Variants in ZDHHC11 observed in about 807,000 individuals in gnomAD.
The protein encoded by ZDHHC11 is zDHHC palmitoyltransferase 11.
ZDHHC11 carries 44 observed loss-of-function variants against 51.3 expected under a neutral mutation model. That is an observed-to-expected ratio of 0.86 (90% CI 0.67 to 1.10). The LOEUF is 1.10. Ranked by LOEUF, ZDHHC11 falls within the 50% of genes least tolerant of loss-of-function variation. The probability of loss-of-function intolerance (pLI) is 0.00; values close to 1 mark genes in which losing one functional copy is unlikely to be tolerated. For synonymous variants in ZDHHC11, 163 were observed against 222.0 expected, an observed-to-expected ratio of 0.73 and a Z score of 2.36; for missense variants, 400 against 537.7, an observed-to-expected ratio of 0.74 and a Z score of 2.53.
chr5:856,538 C>T (rs1748274085), intron 1 of ZDHHC11, among the ~76,000 whole-genome samples: 1 of 150,000 alleles, frequency 6.7e-6, no homozygotes, highest in African/African-American at 2.5e-5. Flanking sequence ...AGATCACACA[C>T]CACACAACTC....
chr5:824,370 A>C (rs1467530335), intron 8 of ZDHHC11, among the ~76,000 whole-genome samples: 1 of 151,438 alleles, frequency 6.6e-6, no homozygotes, highest in Non-Finnish European at 1.5e-5. Flanking sequence ...CTAAGGTGGG[A>C]AGATTGCTTG....
intron 4 of ZDHHC11, 164 bp from the exon 5 acceptor site, chr5:840,814 G>T: frequency 1.3e-6 from 2 of 1,492,808 alleles, no homozygotes; most frequent in Non-Finnish European, 1.8e-6. Flanking sequence ...TGAGTGCCCC[G>T]TAGGCCCTGC....
chr5:835,471 C>T (rs1469168332), intron 6 of ZDHHC11, among the ~76,000 whole-genome samples: 9 of 151,742 alleles, frequency 5.9e-5, no homozygotes, highest in East Asian at 3.8e-4. Flanking sequence ...TCTCTGTCAG[C>T]GCCACCTGTC....
At chr5:816,101 G>C (rs1450343634) in intron 10 of ZDHHC11, among the ~76,000 whole-genome samples, 2 of 151,528 alleles carry the variant, frequency 1.3e-5, no homozygotes, top group African/African-American at 4.8e-5. Context: ...TTTTCTTATT[G>C]CTGAGTTTTG....
chr5:855,831 G>A (rs931430828), upstream of ZDHHC11, among the ~76,000 whole-genome samples: 2 of 143,794 alleles, frequency 1.4e-5, no homozygotes, highest in Admixed American at 6.7e-5. Flanking sequence ...AGTGAGCCGG[G>A]GGGCACAGAC....
At chr5:799,290 T>G (rs1738070445) in intron 12 of ZDHHC11, among the ~76,000 whole-genome samples, 1 of 151,464 alleles carries the variant, frequency 6.6e-6, no homozygotes, top group African/African-American at 2.4e-5. Flanking sequence ...CCATGTGATC[T>G]CTGCACATGT....
At chr5:860,030 C>A (rs763241333), upstream of ZDHHC11, among the ~76,000 whole-genome samples, 1 of 152,204 alleles carries the variant, frequency 6.6e-6, no homozygotes, top group Non-Finnish European at 1.5e-5. This position sits in a 1 kb window ranked among gnomAD's most constrained non-coding sequence, Gnocchi z 4.2. Context: ...CCGGCTGAAG[C>A]CTGCTGGGTC....
At chr5:805,125 G>T (rs555512251) in intron 11 of ZDHHC11, among the ~76,000 whole-genome samples, 1 of 151,600 alleles carries the variant, frequency 6.6e-6, no homozygotes, top group Non-Finnish European at 1.5e-5. Context: ...ATGGATAAAA[G>T]CAGTGTTTGT....
At position 796,498 on chromosome 5, in the gene ZDHHC11, G is replaced by T. The variant is rs1454464078; in HGVS notation, c.*90C>A. The T allele has an allele frequency of 6.7e-6, 1 of 148,616 alleles. No individual in the cohort carries two copies. The highest frequency in any genetic ancestry group is 1.5e-5 in the Non-Finnish European group (1 of 66,952). 9.2% of individuals were successfully genotyped at this position (148,616 alleles called of 1,614,324 possible). On this transcript the variant is annotated 3_prime_UTR_variant, in exon 13 of 13. Transcript: ENST00000283441. ...AGCATGGGTAGGAGCAGGAGGCTTT[G>T]CAAGGTAGACTCTACAGGCAGGACC...
intron 12 of ZDHHC11, among the ~76,000 whole-genome samples, chr5:800,364 C>T (rs1381942390): frequency 2.7e-5 from 4 of 150,632 alleles, no homozygotes; most frequent in Non-Finnish European, 5.9e-5. Flanking sequence ...CGGTAGACTT[C>T]AGGGTGTAAA....
chr5:855,248 G>C (rs375251887), upstream of ZDHHC11, among the ~76,000 whole-genome samples: 2 of 141,614 alleles, frequency 1.4e-5, no homozygotes, highest in East Asian at 2.2e-4. Flanking sequence ...ACAGCGAGCC[G>C]GGGGGAGAGA....
In ZDHHC11 at chr5:825,148, G is replaced by A; in HGVS notation, c.1023+16C>T. On this transcript the variant is annotated intron_variant, in intron 8 of 12. Transcript: ENST00000283441. Reference sequence around the variant, plus strand: ...GGCCCTGACCTCGGGGTGCATCGCTGGTGACTGCAACTTACCCGTGCCGTC... The same window carrying A: ...GGCCCTGACCTCGGGGTGCATCGCTAGTGACTGCAACTTACCCGTGCCGTC... 20 of 1,607,574 alleles carry A rather than the reference G, an allele frequency of 1.2e-5. 1 individual carries two copies. The highest frequency in any genetic ancestry group is 1.7e-5 in the Non-Finnish European group (20 of 1,174,482).
At position 814,170 on chromosome 5, in the gene ZDHHC11, G is replaced by A. The variant is rs1740458441; in HGVS notation, c.1181+591C>T. On this transcript the variant is annotated intron_variant, in intron 11 of 12. Transcript: ENST00000283441. ...GTGAGTAGATTTCCTATTACTCTAT[G>A]TTCTGTGAGAAGTGTATCCTGTACT... is the stretch of plus-strand genomic sequence containing the variant. Among the ~76,000 whole-genome samples, 7 of 145,594 alleles carry A rather than the reference G, an allele frequency of 4.8e-5. 1 individual carries two copies. The highest frequency in any genetic ancestry group is 2.1e-4 in the Admixed American group (3 of 14,208).
At chr5:800,211 G>A (rs566861748) in intron 12 of ZDHHC11, among the ~76,000 whole-genome samples, 1 of 150,958 alleles carries the variant, frequency 6.6e-6, no homozygotes, top group South Asian at 2.1e-4. Context: ...AGGATACCAG[G>A]GCTTTTGATG....
At chr5:844,958 T>C (rs1444074020) in intron 3 of ZDHHC11, among the ~76,000 whole-genome samples, 1 of 152,304 alleles carries the variant, frequency 6.6e-6, no homozygotes, top group Non-Finnish European at 1.5e-5. Context: ...TTTTTAAAAG[T>C]ATCCTTTAAC....
upstream of ZDHHC11, among the ~76,000 whole-genome samples, chr5:855,674 G>GA (rs1481550034): frequency 3.0e-5 from 4 of 135,432 alleles, no homozygotes; most frequent in Non-Finnish European, 6.3e-5. Flanking sequence ...CAGCCGGGGG[G>GA]ACAGACCCCA....
chr5:825,034 T>C, intron 8 of ZDHHC11, 130 bp downstream of exon 8: 2 of 896,428 alleles, frequency 2.2e-6, no homozygotes, highest in Non-Finnish European at 1.8e-6. Flanking sequence ...CATTCCCATG[T>C]GAGCAGCACC....
Position 824,000 on chromosome 5 carries a change from C to G in ZDHHC11, c.1023+1164G>C, listed in dbSNP as rs1238201218. On this transcript the variant is annotated intron_variant, in intron 8 of 12. Coordinates refer to ENST00000283441, the MANE Select transcript of ZDHHC11 (RefSeq NM_024786.3). Reference sequence around the variant, plus strand: ...GCAAGGGGCAAGGCTTGGACACCAGCGTCGCTGTTCCTCCAGGCTGGGCTG... The same window carrying G: ...GCAAGGGGCAAGGCTTGGACACCAGGGTCGCTGTTCCTCCAGGCTGGGCTG... 6.7e-6 allele frequency: 3 copies of G among 451,076 alleles called. 1 individual carries two copies. In the Admixed American group the frequency reaches 7.1e-5, roughly 11 times the overall value. 27.9% of individuals were successfully genotyped at this position (451,076 alleles called of 1,614,324 possible).
At chr5:843,961 G>T (rs1745625108) in intron 3 of ZDHHC11, among the ~76,000 whole-genome samples, 3 of 95,086 alleles carry the variant, frequency 3.2e-5, no homozygotes, top group African/African-American at 2.9e-4. Flanking sequence ...GCAGGTGGGG[G>T]GTGCAGAGGC....
Sources: gnomAD v4.1 joint callset for allele counts (sites outside exome capture counted in the v4.1 genomes callset) on GRCh38, gnomAD v4.1.1 for gene constraint, Gnocchi (gnomAD v3.1) non-coding constraint, MANE v1.5 for transcripts, NCBI Gene and HGNC (gene_info 2026-07-23, HGNC 2026-07-21) for gene names.